The following COL25A1 variants were observed in gnomAD, a reference collection of about 807,000 sequenced individuals.
COL25A1 encodes collagen type XXV alpha 1 chain, also known as collagen alpha-1(XXV) chain.
Under a neutral mutation model 128.4 loss-of-function variants are expected in COL25A1, and 103 were observed. The ratio of observed to expected loss-of-function variants is 0.80; its 90% CI spans 0.68 to 0.94. COL25A1 has a LOEUF of 0.94. Ranked by LOEUF, COL25A1 falls within the 40% of genes least tolerant of loss-of-function variation. The pLI is 0.00. For missense variants in COL25A1, 745 were observed against 840.0 expected (o/e 0.89, Z 1.40); for synonymous variants, 279 against 277.2 (o/e 1.01, Z -0.06).
chr4:109,058,418 T>C (rs1761645086), intron 3 of COL25A1, among the ~76,000 whole-genome samples: 1 of 152,134 alleles, frequency 6.6e-6, no homozygotes, highest in Non-Finnish European at 1.5e-5. Flanking sequence ...TATATTAACA[T>C]GAAAAACAGT....
At chr4:108,816,288 T>TG (rs1731242818) in intron 37 of COL25A1, among the ~76,000 whole-genome samples, 1 of 152,170 alleles carries the variant, frequency 6.6e-6, no homozygotes, top group South Asian at 2.1e-4. Context: ...TTCTCACCAA[T>TG]GGAGTTGCTA....
chr4:108,987,185 T>A (rs1011988312), intron 6 of COL25A1, among the ~76,000 whole-genome samples: 1 of 152,166 alleles, frequency 6.6e-6, no homozygotes, highest in South Asian at 2.1e-4. Flanking sequence ...TAATTTTCCT[T>A]TTCTGCCTTA....
chr4:108,848,845 G>C (rs2125766743), intron 26 of COL25A1, 42 bp from the exon 27 acceptor site: 1 of 1,464,708 alleles, frequency 6.8e-7, no homozygotes, highest in Non-Finnish European at 9.5e-7. Context: ...ATTCTCATTG[G>C]TAACATACTG....
chr4:109,255,350 G>A (rs1294148389), intron 3 of COL25A1, among the ~76,000 whole-genome samples: 1 of 152,024 alleles, frequency 6.6e-6, no homozygotes, highest in Non-Finnish European at 1.5e-5. Flanking sequence ...ATACCACATT[G>A]CTAAAACAAA....
intron 3 of COL25A1, among the ~76,000 whole-genome samples, chr4:109,214,046 G>A (rs778412712): frequency 2.0e-4 from 30 of 152,056 alleles, no homozygotes; most frequent in Non-Finnish European, 2.5e-4. Context: ...ACCCTCAGCC[G>A]TTTGCCTGAT....
At chr4:109,173,291 T>C (rs1039462051) in intron 3 of COL25A1, among the ~76,000 whole-genome samples, 3 of 152,104 alleles carry the variant, frequency 2.0e-5, no homozygotes, top group African/African-American at 7.2e-5. Flanking sequence ...TCTCACTATA[T>C]TGTCCAGGCT....
chr4:108,884,091 G>A lies in COL25A1; in HGVS notation c.1020+87C>T, dbSNP rs967609399. ...CTTAGAGAACAGCATTCTATTTTTA[G>A]TTTCCATTTTTCCCTATTTTCCTCC... On this transcript the variant is annotated intron_variant, in intron 19 of 37. Coordinates refer to ENST00000399132, the MANE Select transcript of COL25A1 (RefSeq NM_198721.4). The A allele has an allele frequency of 1.3e-5, 17 of 1,314,260 alleles. 1 individual carries two copies. The highest frequency in any genetic ancestry group is 2.4e-5 in the South Asian group (2 of 81,642). The allele number at this position is 1,314,260 out of a possible 1,614,324, so 81.4% of individuals were successfully genotyped here.
intron 3 of COL25A1, among the ~76,000 whole-genome samples, chr4:109,211,404 C>G (rs1777550889): frequency 6.8e-6 from 1 of 148,124 alleles, no homozygotes; most frequent in South Asian, 2.1e-4. Flanking sequence ...CTTTTCCTTT[C>G]TGATCATCTC....
intron 3 of COL25A1, among the ~76,000 whole-genome samples, chr4:109,135,870 T>C (rs904605341): frequency 2.0e-5 from 3 of 152,170 alleles, no homozygotes; most frequent in Admixed American, 2.0e-4. Context: ...CAGATCCATA[T>C]ATAGAGAACA....
At chr4:109,160,476 G>C (rs898913599) in intron 3 of COL25A1, among the ~76,000 whole-genome samples, 2 of 152,110 alleles carry the variant, frequency 1.3e-5, no homozygotes, top group African/African-American at 4.8e-5. Context: ...GCAAGTTTTT[G>C]TTTTTAAATT....
intron 11 of COL25A1, among the ~76,000 whole-genome samples, chr4:108,929,202 C>T (rs1746436595): frequency 1.3e-5 from 2 of 152,262 alleles, no homozygotes; most frequent in Non-Finnish European, 2.9e-5. Context: ...TGGCTCACTG[C>T]AACCTCTGCC....
chr4:108,831,687 G>GAGA (rs1250406894), intron 32 of COL25A1, among the ~76,000 whole-genome samples: 1 of 144,194 alleles, frequency 6.9e-6, no homozygotes, highest in African/African-American at 2.6e-5. Flanking sequence ...AGAGAGAGGG[G>GAGA]GAGAGAGAGA....
chr4:108,822,021 C>T (rs999930816), intron 35 of COL25A1, among the ~76,000 whole-genome samples: 2 of 142,034 alleles, frequency 1.4e-5, no homozygotes, highest in Admixed American at 7.4e-5. Context: ...TTCTCATAAA[C>T]GTGAGTATCC....
At chr4:108,991,785 C>A (rs1025148) in intron 6 of COL25A1, among the ~76,000 whole-genome samples, 121,078 of 152,114 alleles carry the variant, frequency 0.8, 49,354 homozygotes, top group East Asian at 1. Flanking sequence ...TTGGAACACA[C>A]ACATGAAATA....
At chr4:108,817,321 T>A in intron 37 of COL25A1, 76 bp downstream of exon 37, 1 of 1,357,792 alleles carries the variant, frequency 7.4e-7, no homozygotes. Flanking sequence ...GAAGGTCTTT[T>A]CTGAATGGAA....
chr4:108,859,876 ATAAT>A, intron 23 of COL25A1, 143 bp from the exon 24 acceptor site: 1 of 590,566 alleles, frequency 1.7e-6, no homozygotes, highest in Non-Finnish European at 3.0e-6. Flanking sequence ...GAATATATAA[ATAAT>A]TATGTTCAAA....
chr4:108,846,254 C>CA, intron 27 of COL25A1, 35 bp from the exon 28 acceptor site: 1 of 1,265,720 alleles, frequency 7.9e-7, no homozygotes, highest in Non-Finnish European at 1.2e-6. Flanking sequence ...ATGTAAGCAG[C>CA]ATAATGACCC....
intron 5 of COL25A1, among the ~76,000 whole-genome samples, chr4:109,013,832 ACACT>A (rs1285532776): frequency 6.6e-6 from 1 of 152,150 alleles, no homozygotes; most frequent in Non-Finnish European, 1.5e-5. Flanking sequence ...AAGAACTGTA[ACACT>A]CACCATGAGA....
intron 5 of COL25A1, among the ~76,000 whole-genome samples, chr4:109,019,493 A>G (rs1196338871): frequency 1.3e-5 from 2 of 151,648 alleles, no homozygotes; most frequent in Non-Finnish European, 2.9e-5. Context: ...TCACAGTTCC[A>G]CATAGCTGGG....
Sources: allele counts gnomAD v4.1 joint callset (sites outside exome capture counted in the v4.1 genomes callset), GRCh38; gene constraint gnomAD v4.1.1; transcripts MANE v1.5; gene names NCBI Gene and HGNC (gene_info 2026-07-23, HGNC 2026-07-21).